USP9X: variants seen among roughly 807,000 people sequenced by gnomAD.
The protein encoded by USP9X is ubiquitin specific peptidase 9 X-linked.
A neutral mutation model predicts 190.3 loss-of-function variants in USP9X; 7 were observed. That is an observed-to-expected ratio of 0.04 (90% CI 0.02 to 0.07). The LOEUF (loss-of-function observed/expected upper bound fraction) is 0.07, where lower values mean the gene tolerates loss of function less well. USP9X is among the 10% of genes least tolerant of loss of function. The pLI, the probability that USP9X is intolerant of heterozygous loss-of-function variation, is 1.00. For synonymous variants in USP9X, 645 were observed against 659.5 expected (o/e 0.98, Z 0.34); for missense variants, 1,010 against 1,916.9 (o/e 0.53, Z 8.83).
chrX:41,211,310 A>G (rs2063155623), intron 33 of USP9X, among the ~76,000 whole-genome samples: 1 of 112,548 alleles, frequency 8.9e-6, no homozygotes, highest in Non-Finnish European at 1.9e-5. Flanking sequence ...ATTCTTTTAC[A>G]GAAGATTATT....
intron 26 of USP9X, 45 bp from the exon 27 acceptor site, chrX:41,196,206 T>A (rs768416594): frequency 1.0e-5 from 12 of 1,185,315 alleles, no homozygotes; most frequent in Non-Finnish European, 1.3e-5. Flanking sequence ...AATCATTTTT[T>A]AAAATGGAAA....
intron 20 of USP9X, 93 bp from the exon 21 acceptor site, chrX:41,171,745 G>A: frequency 3.9e-6 from 4 of 1,016,415 alleles, no homozygotes; most frequent in South Asian, 2.0e-5. Context: ...ATAAGTAAAA[G>A]TATAGGGATT....
intron 32 of USP9X, among the ~76,000 whole-genome samples, chrX:41,207,764 C>T (rs1232007675): frequency 9.0e-6 from 1 of 111,078 alleles, no homozygotes; most frequent in Non-Finnish European, 1.9e-5. Flanking sequence ...TCCGCCTTCC[C>T]TTCTTCTGAC....
At chrX:41,206,894 C>T (rs2063102849) in intron 32 of USP9X, among the ~76,000 whole-genome samples, 1 of 108,232 alleles carries the variant, frequency 9.2e-6, no homozygotes, top group African/African-American at 3.4e-5. Context: ...TCTGCCTCAG[C>T]CTCCTGAGTA....
chrX:41,216,439 A>G lies in USP9X; in HGVS notation c.5872A>G (p.Thr1958Ala), dbSNP rs1336280103. Residue 1958 changes from threonine (T) to alanine (A), a missense_variant, in exon 35 of 45, where the codon ACA becomes GCA. This residue lies in a region of USP9X where 31 missense variants were observed against 27.2 expected (regional missense o/e 1.14). Coordinates refer to ENST00000378308, the MANE Select transcript of USP9X (RefSeq NM_001039591.3). ...AYILFYERMD[T>A]IDQDDELIRY... is the part of the protein sequence containing the mutation. ...TATACTTTTTTATGAACGAATGGAC[A>G]CAATAGACCAAGATGATGAGTTGAT... 3 of 1,211,695 alleles carry G rather than the reference A, an allele frequency of 2.5e-6. No individual in the cohort carries two copies. The highest frequency in any genetic ancestry group is 3.4e-6 in the Non-Finnish European group (3 of 895,481).
At chrX:41,160,764 A>C (rs2062622557) in intron 14 of USP9X, among the ~76,000 whole-genome samples, 1 of 112,282 alleles carries the variant, frequency 8.9e-6, no homozygotes. Flanking sequence ...AGTTTTCAAA[A>C]AGGTCAAAGA....
chrX:41,175,747 A>G (rs1025050973), intron 21 of USP9X, among the ~76,000 whole-genome samples: 2 of 109,981 alleles, frequency 1.8e-5, no homozygotes, highest in African/African-American at 6.7e-5. Context: ...ATGTGTATCC[A>G]CATTTAAGTC....
At chrX:41,182,061 A>G (rs1392301229) in intron 21 of USP9X, among the ~76,000 whole-genome samples, 2 of 112,069 alleles carry the variant, frequency 1.8e-5, no homozygotes, top group Non-Finnish European at 3.8e-5. Flanking sequence ...CTATAATTCA[A>G]GACCATTAAA....
chrX:41,153,332 C>T lies in USP9X; in HGVS notation c.1897+251C>T, dbSNP rs998193687. Among the ~76,000 whole-genome samples the T allele has an allele frequency of 7.2e-5, 8 of 111,519 alleles. No homozygotes were observed. In the East Asian group the frequency reaches 2.0e-3, roughly 27 times the overall value. ...TCTGCCTGCCTTTTTTACGATTGAT[C>T]GCTACCTTCTTAGGAATGTACTTGG... is the stretch of plus-strand genomic sequence containing the variant. On this transcript the variant is annotated intron_variant, in intron 14 of 44. Coordinates refer to ENST00000378308, the MANE Select transcript of USP9X (RefSeq NM_001039591.3).
intron 1 of USP9X, among the ~76,000 whole-genome samples, chrX:41,120,463 C>T (rs1375934080): frequency 2.7e-5 from 3 of 111,676 alleles, no homozygotes; most frequent in Non-Finnish European, 5.6e-5. Context: ...TTTTCTACTT[C>T]TCCCTGAAGC....
intron 3 of USP9X, 91 bp downstream of exon 3, chrX:41,129,236 A>G (rs749173020): frequency 5.5e-6 from 5 of 907,149 alleles, no homozygotes; most frequent in Non-Finnish European, 6.1e-6. Flanking sequence ...GTCACTGCCA[A>G]GTGCTTTATA....
At chrX:41,201,384 T>C in intron 31 of USP9X, 104 bp downstream of exon 31, 2 of 821,195 alleles carry the variant, frequency 2.4e-6, no homozygotes, top group Non-Finnish European at 3.5e-6. Flanking sequence ...TATTAAAGTA[T>C]ATTTGAAAGT....
At position 41,198,009 on chromosome X, in the gene USP9X, T is replaced by C. The variant is rs73480452; in HGVS notation, c.4380+499T>C. Among the ~76,000 whole-genome samples the C allele has an allele frequency of 3.3e-3, 368 of 112,146 alleles. 2 individuals are homozygous for C. Among genetic ancestry groups the C allele is most frequent in the African/African-American group, 0.011 (344 of 30,911 alleles). On this transcript the variant is annotated intron_variant, in intron 29 of 44. Coordinates refer to ENST00000378308, the MANE Select transcript of USP9X (RefSeq NM_001039591.3). Reference sequence around the variant, plus strand: ...AGCCTGAAGGAACAGAGCAAGGCCCTGTCTCAAAATAAATAGATAAATAAA... The same window carrying C: ...AGCCTGAAGGAACAGAGCAAGGCCCCGTCTCAAAATAAATAGATAAATAAA...
At position 41,117,727 on chromosome X, in the gene USP9X, G is replaced by T. The variant is rs184047130; in HGVS notation, c.-158-5744G>T. Among the ~76,000 whole-genome samples the T allele has an allele frequency of 2.8e-5, 3 of 107,172 alleles. No homozygotes were observed. The Admixed American group carries it at 3.0e-4, about 11-fold the overall frequency. The allele number at this position is 107,172 out of a possible 115,157, so 93.1% of individuals were successfully genotyped here. On this transcript the variant is annotated intron_variant, in intron 1 of 44. Transcript: ENST00000378308. Reference sequence around the variant, plus strand: ...CGAGTAGCTGGGACTACAGGCGCCCGCTATTGTATGTTTATTAGAGGTGGG... The same window carrying T: ...CGAGTAGCTGGGACTACAGGCGCCCTCTATTGTATGTTTATTAGAGGTGGG...
intron 26 of USP9X, among the ~76,000 whole-genome samples, chrX:41,191,283 C>T (rs1215144643): frequency 9.7e-5 from 10 of 103,513 alleles, no homozygotes; most frequent in Middle Eastern, 4.9e-3. Flanking sequence ...GAGCTGAGAT[C>T]GCGCCATTGT....
chrX:41,186,206 A>T (rs995583429), intron 23 of USP9X, among the ~76,000 whole-genome samples: 2 of 111,229 alleles, frequency 1.8e-5, no homozygotes, highest in South Asian at 3.8e-4. Flanking sequence ...ACAATACTTT[A>T]CTGAGTCTCT....
rs749216997 is a variant in USP9X at position 41,230,350 on chromosome X, T to C, written c.7432-151T>C. On this transcript the variant is annotated intron_variant, in intron 43 of 44. Coordinates refer to ENST00000378308, the MANE Select transcript of USP9X (RefSeq NM_001039591.3). Reference sequence around the variant, plus strand: ...TTTTTTGTTTTGTTTTTTTTTTTTTTGTTTTTTCCCCAAGTTCTTTATCTG... The same window carrying C: ...TTTTTTGTTTTGTTTTTTTTTTTTTCGTTTTTTCCCCAAGTTCTTTATCTG... 2.3e-3 allele frequency: 927 copies of C among 408,661 alleles called. 7 individuals are homozygous for C. Among genetic ancestry groups the C allele is most frequent in the African/African-American group, 0.021 (738 of 34,986 alleles). 33.7% of individuals were successfully genotyped at this position (408,661 alleles called of 1,213,427 possible). A position where few individuals can be genotyped will look rare whatever the true frequency, so the allele number is the denominator to read the frequency against.
intron 30 of USP9X, among the ~76,000 whole-genome samples, chrX:41,199,895 C>T (rs1321055879): frequency 9.0e-6 from 1 of 111,285 alleles, no homozygotes; most frequent in Non-Finnish European, 1.9e-5. Context: ...CCACACCAGG[C>T]GCATGAATAG....
chrX:41,198,564 G>A lies in USP9X; in HGVS notation c.4417G>A (p.Val1473Ile), dbSNP rs1245411116. The A allele has an allele frequency of 9.1e-6, 11 of 1,206,554 alleles. No individual in the cohort carries two copies. The highest frequency in any genetic ancestry group is 1.2e-5 in the Non-Finnish European group (11 of 893,752). Residue 1473 changes from valine (V) to isoleucine (I), a missense_variant, in exon 30 of 45, where the codon GTT (valine) becomes ATT (isoleucine). By Grantham distance (29) the Val-to-Ile change is conservative. Coordinates refer to ENST00000378308, the MANE Select transcript of USP9X (RefSeq NM_001039591.3). ...IDDFIFPASN[V>I]YLQYMRNGEL... ...TGATTTCATATTTCCTGCATCCAAT[G>A]TTTACCTACAGTATATGAGAAATGG...
Sources: gnomAD v4.1 joint callset for allele counts (sites outside exome capture counted in the v4.1 genomes callset) on GRCh38, gnomAD v4.1.1 for gene constraint, gnomAD v4.1.1 regional missense constraint, MANE v1.5 for transcripts, NCBI Gene and HGNC (gene_info 2026-07-23, HGNC 2026-07-21) for gene names.